RPAP3: variants seen among roughly 807,000 people sequenced by gnomAD.
RPAP3 encodes the protein RNA polymerase II-associated protein 3.
Under a neutral mutation model 88.8 loss-of-function variants are expected in RPAP3, and 58 were observed. The ratio of observed to expected loss-of-function variants is 0.65; its 90% CI spans 0.53 to 0.81. The LOEUF (loss-of-function observed/expected upper bound fraction) is 0.81, where lower values mean the gene tolerates loss of function less well. RPAP3 is among the 40% of genes least tolerant of loss of function. RPAP3 has a pLI of 0.00. For synonymous variants in RPAP3, 255 were observed against 259.9 expected (o/e 0.98, Z 0.18); for missense variants, 751 against 764.3 (o/e 0.98, Z 0.20).
intron 2 of RPAP3, 94 bp downstream of exon 2, chr12:47,702,594 C>G (rs568556211): frequency 9.5e-7 from 1 of 1,055,090 alleles, no homozygotes; most frequent in African/African-American, 1.6e-5. Flanking sequence ...CAAGTCACTT[C>G]AATTTCAGTA....
At chr12:47,689,024 A>T in intron 7 of RPAP3, 101 bp downstream of exon 7, 1 of 618,972 alleles carries the variant, frequency 1.6e-6, no homozygotes, top group East Asian at 3.1e-5. Flanking sequence ...AAAATTAGAA[A>T]ATCTCAATAT....
rs1228540603 is a variant in RPAP3, at chr12:47,697,587, T to C, written c.417+10A>G. Reference sequence around the variant, plus strand: ...TACATGAAAAAAAACAAAACCTAACTAATTAGTACCTTTTCTTTTAAAACA... The same window carrying C: ...TACATGAAAAAAAACAAAACCTAACCAATTAGTACCTTTTCTTTTAAAACA... On this transcript the variant is annotated intron_variant, in intron 4 of 16. Coordinates refer to ENST00000005386, the MANE Select transcript of RPAP3 (RefSeq NM_024604.3). The C allele has an allele frequency of 6.3e-7, 1 of 1,583,684 alleles. No individual in the cohort carries two copies. Among genetic ancestry groups the C allele is most frequent in the Non-Finnish European group, 8.5e-7 (1 of 1,171,268 alleles).
chr12:47,694,575 G>A (rs994727211), intron 5 of RPAP3, among the ~76,000 whole-genome samples: 9 of 151,106 alleles, frequency 6.0e-5, no homozygotes, highest in African/African-American at 1.9e-4. Flanking sequence ...TACAAATTGA[G>A]AGAAGATAGT....
intron 9 of RPAP3, 150 bp from the exon 10 acceptor site, chr12:47,681,967 T>A (rs1405497562): frequency 1.3e-6 from 1 of 748,640 alleles, no homozygotes; most frequent in Non-Finnish European, 2.0e-6. Context: ...TTTTATAAAT[T>A]TTTTATTCTC....
chr12:47,663,400 G>A lies in RPAP3; in HGVS notation c.*105C>T, dbSNP rs1938798302. The A allele has an allele frequency of 4.4e-6, 3 of 688,528 alleles. No homozygotes were observed. The highest frequency in any genetic ancestry group is 2.9e-5 in the Admixed American group (1 of 34,366). The allele number at this position is 688,528 out of a possible 1,614,324, so 42.7% of individuals were successfully genotyped here. On this transcript the variant is annotated 3_prime_UTR_variant, in exon 17 of 17. Transcript: ENST00000005386. ...GTTAATTAACTTATGTTCAAAGATA[G>A]TCCTTTCCTGCTATATAATTTCATT...
chr12:47,696,472 G>A (rs746467717), intron 4 of RPAP3, 69 bp from the exon 5 acceptor site: 15 of 1,190,694 alleles, frequency 1.3e-5, no homozygotes, highest in South Asian at 5.2e-5. Flanking sequence ...ACCCTTGAAC[G>A]ACCCAGGTTT....
chr12:47,698,551 T>C (rs910986178), intron 3 of RPAP3, among the ~76,000 whole-genome samples: 5 of 152,218 alleles, frequency 3.3e-5, no homozygotes, highest in East Asian at 1.9e-4. Context: ...TCTGGCTCTG[T>C]TGCCTAGGCT....
In RPAP3 at chr12:47,677,224, G is replaced by A. The variant is rs11561348; in HGVS notation, c.1287+2269C>T. On this transcript the variant is annotated intron_variant, in intron 12 of 16. Transcript: ENST00000005386. Reference sequence around the variant, plus strand: ...ATGCTAAAAACACTCAATAAACTAGGTATTGATGGAATGTTTCTCAAAATA... The same window carrying A: ...ATGCTAAAAACACTCAATAAACTAGATATTGATGGAATGTTTCTCAAAATA... Among the ~76,000 whole-genome samples the A allele has an allele frequency of 2.5e-3, 379 of 152,166 alleles. 15 individuals are homozygous for A. In the East Asian group the frequency reaches 0.069, roughly 28 times the overall value.
At chr12:47,695,276 AGAAT>A (rs1258083762) in intron 5 of RPAP3, among the ~76,000 whole-genome samples, 1 of 115,248 alleles carries the variant, frequency 8.7e-6, no homozygotes, top group Non-Finnish European at 2.1e-5. Flanking sequence ...CATCAAAACA[AGAAT>A]GAATCATAAA....
intron 12 of RPAP3, among the ~76,000 whole-genome samples, chr12:47,677,382 G>A (rs1939138551): frequency 6.6e-6 from 1 of 152,184 alleles, no homozygotes; most frequent in African/African-American, 2.4e-5. Flanking sequence ...AATGTCGGAA[G>A]TTCTGGCCAG....
chr12:47,674,960 T>G (rs1372363239), intron 12 of RPAP3, among the ~76,000 whole-genome samples: 1 of 151,748 alleles, frequency 6.6e-6, no homozygotes, highest in African/African-American at 2.4e-5. Flanking sequence ...TTTACCAAGG[T>G]TGAAATGAAG....
Position 47,696,262 on chromosome 12 carries a change from C to T in RPAP3, c.545+14G>A, listed in dbSNP as rs1299688112. 1 of 1,518,150 alleles carries T rather than the reference C, an allele frequency of 6.6e-7. No individual in the cohort carries two copies. The highest frequency in any genetic ancestry group is 8.8e-7 in the Non-Finnish European group (1 of 1,131,900). The allele number at this position is 1,518,150 out of a possible 1,614,324, so 94.0% of individuals were successfully genotyped here. ...AAGACATTCACATTCACACACGTCA[C>T]AGAAAGTCCTTACTTTTTCAGTCTA... is the stretch of plus-strand genomic sequence containing the variant. On this transcript the variant is annotated intron_variant, in intron 5 of 16. Coordinates refer to ENST00000005386, the MANE Select transcript of RPAP3 (RefSeq NM_024604.3).
At chr12:47,687,129 T>C (rs1251697299) in intron 8 of RPAP3, among the ~76,000 whole-genome samples, 1 of 152,182 alleles carries the variant, frequency 6.6e-6, no homozygotes, top group East Asian at 1.9e-4. Flanking sequence ...GAAAAACATG[T>C]ATACTACATT....
At chr12:47,672,012 AGAG>A (rs1416119605) in intron 12 of RPAP3, among the ~76,000 whole-genome samples, 1 of 152,138 alleles carries the variant, frequency 6.6e-6, no homozygotes, top group Non-Finnish European at 1.5e-5. Flanking sequence ...TGAGAGAGAG[AGAG>A]AAGAACAAAG....
intron 5 of RPAP3, 27 bp downstream of exon 5, chr12:47,696,249 T>C: frequency 2.7e-6 from 4 of 1,491,962 alleles, no homozygotes; most frequent in Non-Finnish European, 3.6e-6. Context: ...GACATTCACA[T>C]TCACACACGT....
At chr12:47,671,771 T>C (rs1395922889) in intron 12 of RPAP3, among the ~76,000 whole-genome samples, 1 of 152,194 alleles carries the variant, frequency 6.6e-6, no homozygotes, top group Admixed American at 6.5e-5. Context: ...TAATCATTGG[T>C]CTCTGTTAAG....
chr12:47,685,666 C>A (rs1939308429), intron 9 of RPAP3, among the ~76,000 whole-genome samples: 1 of 152,212 alleles, frequency 6.6e-6, no homozygotes, highest in East Asian at 1.9e-4. Flanking sequence ...TCCACACTTG[C>A]TTGTTGATCA....
In RPAP3 at chr12:47,667,095, A is replaced by ATATAGAAAC; in HGVS notation, c.1812-24_1812-16dup. The stretch of plus-strand genomic sequence containing the variant: ...GCTTTTCTTTCCTGAAATAATCCAA[A>ATATAGAAAC]TATAGAAACAAATGATCAGTTAAAA... On this transcript the variant is annotated splice_polypyrimidine_tract_variant and intron_variant, in intron 15 of 16. Transcript: ENST00000005386. The ATATAGAAAC allele has an allele frequency of 8.3e-7, 1 of 1,208,728 alleles. No homozygotes were observed. Among genetic ancestry groups the ATATAGAAAC allele is most frequent in the Non-Finnish European group, 1.1e-6 (1 of 886,352 alleles). 74.9% of individuals were successfully genotyped at this position (1,208,728 alleles called of 1,614,324 possible).
chr12:47,683,246 G>T (rs924088573), intron 9 of RPAP3, among the ~76,000 whole-genome samples: 1 of 152,070 alleles, frequency 6.6e-6, no homozygotes, highest in African/African-American at 2.4e-5. Context: ...CCTTCATAGC[G>T]CTATCTTAGC....
Sources: gnomAD v4.1 joint callset for allele counts (sites outside exome capture counted in the v4.1 genomes callset) on GRCh38, gnomAD v4.1.1 for gene constraint, MANE v1.5 for transcripts, NCBI Gene and HGNC (gene_info 2026-07-23, HGNC 2026-07-21) for gene names.